The following ORC3 variants were observed in gnomAD, a reference collection of about 807,000 sequenced individuals.
ORC3 encodes homolog of latheo, Drosophila.
In ORC3, 78 loss-of-function variants were observed where a neutral mutation model predicts 100.7. The ratio of observed to expected loss-of-function variants is 0.77; its 90% CI spans 0.65 to 0.94. The LOEUF is 0.94. Ranked by LOEUF, ORC3 falls within the 40% of genes least tolerant of loss-of-function variation. ORC3 has a pLI of 0.00. For missense variants in ORC3, 789 were observed against 823.9 expected, an observed-to-expected ratio of 0.96 and a Z score of 0.52; for synonymous variants, 295 against 289.3, an observed-to-expected ratio of 1.02 and a Z score of -0.20.
chr6:87,599,916 T>G (rs1385703241), intron 2 of ORC3, among the ~76,000 whole-genome samples: 1 of 152,134 alleles, frequency 6.6e-6, no homozygotes, highest in African/African-American at 2.4e-5. Context: ...GAGGTTGCAG[T>G]AAGCTGAGAT....
chr6:87,675,324 T>C, the ORC3 span: 1 of 498,706 alleles, frequency 2.0e-6, no homozygotes, highest in Admixed American at 3.4e-5. Context: ...TTAATCCTTT[T>C]CAAACATTAA....
chr6:87,636,523 G>T (rs1290795627), intron 13 of ORC3, 37 bp downstream of exon 13: 8 of 1,372,060 alleles, frequency 5.8e-6, no homozygotes, highest in Non-Finnish European at 8.3e-6. Flanking sequence ...ATTTTTGTCT[G>T]CTATAAGCCT....
In ORC3 at chr6:87,594,219, G is replaced by A. The variant is rs557399342; in HGVS notation, c.25-134G>A. 8 of 576,498 alleles carry A rather than the reference G, an allele frequency of 1.4e-5. No homozygotes were observed. The East Asian group carries it at 2.1e-4, about 15-fold the overall frequency. The allele number at this position is 576,498 out of a possible 1,614,324, so 35.7% of individuals were successfully genotyped here. On this transcript the variant is annotated intron_variant, in intron 1 of 19. Coordinates refer to ENST00000392844, the MANE Select transcript of ORC3 (RefSeq NM_012381.4). ...CAGAGAGAAGTGATGTGATTTCTTA[G>A]AACCTGAAAGAAATGTGTTCTCTCC...
chr6:87,664,835 C>T lies in ORC3; in HGVS notation c.1926C>T (p.Leu642=), dbSNP rs1335470186. The part of the protein sequence containing the change: ...AYKLHLECSR[L]INLVDWSEAF... Reference sequence around the variant, plus strand: ...AACTGCACCTAGAGTGTAGCAGGCTCATCAACCTCGTGGACTGGTCAGAGG... The same window carrying T: ...AACTGCACCTAGAGTGTAGCAGGCTTATCAACCTCGTGGACTGGTCAGAGG... Residue 642 remains leucine (L), a synonymous_variant, in exon 18 of 20, where the codon CTC becomes CTT. Transcript: ENST00000392844. The T allele has an allele frequency of 1.2e-6, 2 of 1,612,820 alleles. No individual in the cohort carries two copies. The highest frequency in any genetic ancestry group is 1.7e-6 in the Non-Finnish European group (2 of 1,178,956).
chr6:87,647,563 A>G (rs1228444296), intron 13 of ORC3, among the ~76,000 whole-genome samples: 2 of 152,212 alleles, frequency 1.3e-5, no homozygotes, highest in Non-Finnish European at 2.9e-5. Flanking sequence ...TTTAACGCAT[A>G]TATCGTATAT....
intron 11 of ORC3, 72 bp from the exon 12 acceptor site, chr6:87,634,773 T>G (rs1211989383): frequency 1.6e-5 from 12 of 753,432 alleles, no homozygotes; most frequent in Non-Finnish European, 2.8e-5. Flanking sequence ...TTTATAGCCA[T>G]GAAGTAGATT....
At chr6:87,603,783 G>C (rs1778142925) in intron 4 of ORC3, among the ~76,000 whole-genome samples, 1 of 152,128 alleles carries the variant, frequency 6.6e-6, no homozygotes, top group Non-Finnish European at 1.5e-5. Context: ...CTTTTGGTCG[G>C]AAGGGAAAAT....
At chr6:87,612,311 T>C (rs1778834574) in intron 8 of ORC3, 63 bp downstream of exon 8, 1 of 1,148,310 alleles carries the variant, frequency 8.7e-7, no homozygotes, top group African/African-American at 1.6e-5. Flanking sequence ...AATAGATTGT[T>C]AAGATAACTG....
intron 11 of ORC3, among the ~76,000 whole-genome samples, chr6:87,626,748 C>T (rs907952805): frequency 2.0e-5 from 3 of 149,006 alleles, no homozygotes; most frequent in Non-Finnish European, 4.4e-5. Flanking sequence ...GACAGCGCCA[C>T]TGCACTCCAG....
chr6:87,676,338 C>T, the ORC3 span, among the ~76,000 whole-genome samples: 3 of 147,742 alleles, frequency 2.0e-5, no homozygotes, highest in East Asian at 4.1e-4. Context: ...GGTGGCAGGC[C>T]GCCTGTAGTC....
Position 87,621,989 on chromosome 6 carries a change from C to G in ORC3, c.1161C>G (p.Leu387=). ...AAGCTTCAGAAAAGCAAGTTGCGCT[C>G]TTGACCAATGAGAGATATTTGAAGG... ...EKQASEKQVA[L]LTNERYLKEE... The change falls in exon 11 of 20, where the codon CTC becomes CTG. Residue 387 remains leucine (L), a synonymous_variant. Transcript: ENST00000392844. The G allele has an allele frequency of 6.2e-7, 1 of 1,608,592 alleles. No individual in the cohort carries two copies. The highest frequency in any genetic ancestry group is 1.7e-5 in the Admixed American group (1 of 59,614).
At chr6:87,647,219 C>T (rs923206967) in intron 13 of ORC3, among the ~76,000 whole-genome samples, 4 of 152,128 alleles carry the variant, frequency 2.6e-5, no homozygotes, top group Non-Finnish European at 5.9e-5. Flanking sequence ...GAGTAAAAGC[C>T]GTATACAGTG....
rs111415324 is a variant in ORC3, at chr6:87,647,566, TC to T, written c.1383-5549del. Among the ~76,000 whole-genome samples, 87 of 152,304 alleles carry T rather than the reference TC, an allele frequency of 5.7e-4. 2 individuals carry two copies. Among genetic ancestry groups the T allele is most frequent in the African/African-American group, 2.1e-3 (86 of 41,574 alleles). On this transcript the variant is annotated intron_variant, in intron 13 of 19. Transcript: ENST00000392844. ...CATTTATCAATTTTTAACGCATATA[TC>T]GTATATATGATATAGATAGATAGTG... is the stretch of plus-strand genomic sequence containing the variant.
chr6:87,601,107 G>C (rs1162563880), intron 2 of ORC3, among the ~76,000 whole-genome samples: 1 of 152,118 alleles, frequency 6.6e-6, no homozygotes, highest in Non-Finnish European at 1.5e-5. Context: ...TTCAATAGAG[G>C]AGAGTTCAAA....
intron 4 of ORC3, 112 bp from the exon 5 acceptor site, chr6:87,605,805 A>G (rs1778290270): frequency 1.6e-6 from 1 of 614,664 alleles, no homozygotes; most frequent in Admixed American, 2.9e-5. Context: ...GGTTTCTGTT[A>G]TTAATCATTT....
At chr6:87,596,448 GT>G (rs34256004) in intron 2 of ORC3, among the ~76,000 whole-genome samples, 38 of 144,242 alleles carry the variant, frequency 2.6e-4, no homozygotes, top group South Asian at 4.4e-4. Context: ...TTTTTTTGTT[GT>G]TTTTTTTTTT....
At chr6:87,605,406 G>A (rs932132473) in intron 4 of ORC3, among the ~76,000 whole-genome samples, 8 of 152,178 alleles carry the variant, frequency 5.3e-5, no homozygotes, top group Admixed American at 2.0e-4. Flanking sequence ...ATCCCAGCAC[G>A]TTGGGAGGCT....
At chr6:87,617,743 A>G (rs1319719062) in intron 9 of ORC3, among the ~76,000 whole-genome samples, 2 of 152,180 alleles carry the variant, frequency 1.3e-5, no homozygotes, top group Non-Finnish European at 2.9e-5. Context: ...TCTATAAAAA[A>G]CAAACAAAAT....
intron 2 of ORC3, among the ~76,000 whole-genome samples, chr6:87,599,445 GCAACCTC>G (rs1777721098): frequency 6.6e-6 from 1 of 151,710 alleles, no homozygotes; most frequent in African/African-American, 2.4e-5. Flanking sequence ...TCAGCTCACT[GCAACCTC>G]TGCCTCCCAG....
Sources: gnomAD v4.1 joint callset for allele counts (sites outside exome capture counted in the v4.1 genomes callset) on GRCh38, gnomAD v4.1.1 for gene constraint, MANE v1.5 for transcripts, NCBI Gene and HGNC (gene_info 2026-07-23, HGNC 2026-07-21) for gene names.